ASTN2: variants seen among roughly 807,000 people sequenced by gnomAD.
The protein encoded by ASTN2 is astrotactin-2.
ASTN2 carries 54 observed loss-of-function variants against 139.8 expected under a neutral mutation model. That is an observed-to-expected ratio of 0.39 (90% confidence interval 0.31 to 0.48). The LOEUF is 0.48. ASTN2 is among the 20% of genes least tolerant of loss of function. The pLI, the probability that ASTN2 is intolerant of heterozygous loss-of-function variation, is 0.95. For synonymous variants in ASTN2, 756 were observed against 719.5 expected, an observed-to-expected ratio of 1.05 and a Z score of -0.81; for missense variants, 1,565 against 1,725.1, an observed-to-expected ratio of 0.91 and a Z score of 1.64.
intron 1 of ASTN2, among the ~76,000 whole-genome samples, chr9:117,368,437 C>T (rs569021168): frequency 9.2e-5 from 14 of 152,210 alleles, no homozygotes; most frequent in African/African-American, 3.4e-4. Flanking sequence ...TTTTCCATTA[C>T]AAAATCTGTA....
intron 1 of ASTN2, among the ~76,000 whole-genome samples, chr9:117,397,758 A>G (rs981051800): frequency 2.6e-4 from 40 of 152,222 alleles, no homozygotes; most frequent in African/African-American, 8.4e-4. Flanking sequence ...TGGCTTCAAA[A>G]ACAAGGATTT....
chr9:116,891,833 A>T, intron 10 of ASTN2, among the ~76,000 whole-genome samples: 1 of 152,234 alleles, frequency 6.6e-6, no homozygotes, highest in East Asian at 1.9e-4. Flanking sequence ...AGGAATAACA[A>T]TACCATCATC....
chr9:116,926,195 A>G (rs146337743), intron 10 of ASTN2, among the ~76,000 whole-genome samples: 17 of 152,324 alleles, frequency 1.1e-4, no homozygotes, highest in African/African-American at 3.8e-4. Flanking sequence ...TACAGTGTCT[A>G]AGAAACCATC....
intron 19 of ASTN2, among the ~76,000 whole-genome samples, chr9:116,579,418 C>T (rs918118877): frequency 7.2e-5 from 11 of 152,196 alleles, no homozygotes; most frequent in African/African-American, 2.4e-4. Context: ...GAGAAGGTAA[C>T]GGATACAACC....
chr9:116,913,419 A>G (rs1473724850), intron 10 of ASTN2, among the ~76,000 whole-genome samples: 1 of 152,136 alleles, frequency 6.6e-6, no homozygotes, highest in Non-Finnish European at 1.5e-5. Context: ...TTTTCTCATC[A>G]CCTTGGCTTG....
chr9:116,477,927 G>A (rs1018213245), intron 20 of ASTN2, among the ~76,000 whole-genome samples: 5 of 150,864 alleles, frequency 3.3e-5, no homozygotes, highest in South Asian at 2.1e-4. Context: ...AGGGTGACAC[G>A]GAGAGGGAAG....
At chr9:116,577,691 A>C (rs1853777137) in intron 19 of ASTN2, among the ~76,000 whole-genome samples, 1 of 152,214 alleles carries the variant, frequency 6.6e-6, no homozygotes, top group Admixed American at 6.5e-5. Flanking sequence ...GTGCTGAACA[A>C]GTGATGTTAG....
At chr9:116,577,921 T>C (rs1235409612) in intron 19 of ASTN2, among the ~76,000 whole-genome samples, 1 of 151,778 alleles carries the variant, frequency 6.6e-6, no homozygotes, top group Non-Finnish European at 1.5e-5. Context: ...GAGATAAGGG[T>C]GGGCAGGGCA....
intron 4 of ASTN2, among the ~76,000 whole-genome samples, chr9:117,137,482 C>T (rs1279634467): frequency 2.6e-5 from 4 of 152,154 alleles, no homozygotes; most frequent in Non-Finnish European, 5.9e-5. Context: ...ATTTTGGAGG[C>T]TAATGGAGCA....
intron 4 of ASTN2, among the ~76,000 whole-genome samples, chr9:117,120,458 A>C (rs889208437): frequency 1.3e-5 from 2 of 152,116 alleles, no homozygotes. Context: ...TATTTGGACA[A>C]TCATACACCA....
chr9:116,598,773 G>A (rs1253773174), intron 19 of ASTN2, among the ~76,000 whole-genome samples: 1 of 152,204 alleles, frequency 6.6e-6, no homozygotes, highest in Non-Finnish European at 1.5e-5. Context: ...TATGCTAGGA[G>A]AGGATGGATA....
At chr9:117,257,604 C>A (rs1046652427) in intron 2 of ASTN2, among the ~76,000 whole-genome samples, 11 of 152,264 alleles carry the variant, frequency 7.2e-5, no homozygotes, top group Non-Finnish European at 1.5e-4. Context: ...GTATTTTTCT[C>A]ATTTTCTCCC....
At chr9:116,452,534 C>T (rs916585250) in intron 20 of ASTN2, among the ~76,000 whole-genome samples, 7 of 152,226 alleles carry the variant, frequency 4.6e-5, no homozygotes, top group African/African-American at 1.7e-4. Flanking sequence ...GGCACATACT[C>T]TGTATCAGAC....
chr9:117,021,281 A>G (rs1837871123), intron 6 of ASTN2, among the ~76,000 whole-genome samples: 1 of 152,138 alleles, frequency 6.6e-6, no homozygotes, highest in African/African-American at 2.4e-5. Context: ...ATGGTCTAGC[A>G]AATGATGAGC....
intron 16 of ASTN2, among the ~76,000 whole-genome samples, chr9:116,677,606 C>G (rs376409450): frequency 1.3e-5 from 2 of 152,246 alleles, no homozygotes; most frequent in East Asian, 1.9e-4. Flanking sequence ...CCCCCACCCC[C>G]CACTGGAAGA....
chr9:116,955,212 T>G (rs1835675832), intron 10 of ASTN2, among the ~76,000 whole-genome samples: 1 of 152,188 alleles, frequency 6.6e-6, no homozygotes, highest in African/African-American at 2.4e-5. Context: ...ATAAAGTGTT[T>G]ATGAAGGCTG....
intron 11 of ASTN2, among the ~76,000 whole-genome samples, chr9:116,863,193 C>T (rs569713848): frequency 1.3e-5 from 2 of 152,048 alleles, no homozygotes; most frequent in South Asian, 2.1e-4. Context: ...CTTTCTCTTC[C>T]GGACCACACC....
At chr9:116,530,132 TA>T (rs1851272966) in intron 19 of ASTN2, among the ~76,000 whole-genome samples, 1 of 29,410 alleles carries the variant, frequency 3.4e-5, no homozygotes, top group African/African-American at 1.2e-4. Flanking sequence ...TATATATATA[TA>T]TATATATATA....
chr9:116,767,517 G>A (rs1046333698), intron 13 of ASTN2, among the ~76,000 whole-genome samples: 9 of 152,234 alleles, frequency 5.9e-5, no homozygotes, highest in African/African-American at 1.2e-4. Flanking sequence ...AACGGAGGGA[G>A]CTGACAGCTC....
Sources: allele counts gnomAD v4.1 joint callset (sites outside exome capture counted in the v4.1 genomes callset), GRCh38; gene constraint gnomAD v4.1.1; transcripts MANE v1.5; gene names NCBI Gene and HGNC (gene_info 2026-07-23, HGNC 2026-07-21).